SRGAP2: variants seen among roughly 807,000 people sequenced by gnomAD.
The protein encoded by SRGAP2 is SLIT-ROBO Rho GTPase-activating protein 2.
A neutral mutation model predicts 57.2 loss-of-function variants in SRGAP2; 15 were observed. That is an observed-to-expected ratio of 0.26 (90% CI 0.18 to 0.40). The LOEUF (loss-of-function observed/expected upper bound fraction) is 0.40. SRGAP2 is among the 10% of genes least tolerant of loss of function. The pLI is 1.00. For synonymous variants in SRGAP2, 249 were observed against 248.0 expected, an observed-to-expected ratio of 1.00 and a Z score of -0.04; for missense variants, 520 against 669.6, an observed-to-expected ratio of 0.78 and a Z score of 2.47.
At chr1:206,333,331 T>G in intron 3 of SRGAP2, 2 of 1,196,138 alleles carry the variant, frequency 1.7e-6, no homozygotes, top group Non-Finnish European at 2.5e-6. Context: ...ATCATTTATT[T>G]TGAGCCAGGG....
chr1:206,276,987 G>T (rs1424803525), intron 2 of SRGAP2, among the ~76,000 whole-genome samples: 1 of 149,382 alleles, frequency 6.7e-6, no homozygotes, highest in Non-Finnish European at 1.5e-5. Flanking sequence ...TTTTTGAGAC[G>T]GAGTTTTGCT....
At chr1:206,458,115 A>G (rs1440470442) in intron 21 of SRGAP2, among the ~76,000 whole-genome samples, 3 of 152,318 alleles carry the variant, frequency 2.0e-5, no homozygotes, top group Admixed American at 1.3e-4. Context: ...ATTCTGCTCC[A>G]TGCCTACAGA....
At chr1:206,346,640 C>G (rs1300802426) in intron 4 of SRGAP2, among the ~76,000 whole-genome samples, 2 of 152,036 alleles carry the variant, frequency 1.3e-5, no homozygotes, top group Non-Finnish European at 2.9e-5. Flanking sequence ...ACCCATTTCT[C>G]TGGGGACATA....
intron 21 of SRGAP2, chr1:206,455,242 C>T (rs1229136699): frequency 1.0e-5 from 6 of 592,958 alleles, no homozygotes; most frequent in East Asian, 5.8e-5. Context: ...TAGCTGCCCT[C>T]GTGCTGTGGA....
intron 2 of SRGAP2, among the ~76,000 whole-genome samples, chr1:206,227,371 C>A (rs1312716049): frequency 1.1e-4 from 16 of 152,222 alleles, no homozygotes; most frequent in African/African-American, 3.9e-4. Context: ...TTTGTGCCAT[C>A]ATCTGCTAAT....
chr1:206,394,409 A>G lies in SRGAP2; in HGVS notation c.831+736A>G, dbSNP rs568224847. 1.7e-3 allele frequency among the ~76,000 whole-genome samples: 260 copies of G among 152,286 alleles called. 1 individual carries two copies. The highest frequency in any genetic ancestry group is 5.8e-3 in the African/African-American group (239 of 41,540). ...CTTCTCTTGCACAGAAGTGAGTGGC[A>G]AGAACTTAACTAAAGAGTTACAATG... is the stretch of plus-strand genomic sequence containing the variant. On this transcript the variant is annotated intron_variant, in intron 7 of 22. Coordinates refer to ENST00000573034, the MANE Select transcript of SRGAP2 (RefSeq NM_015326.5).
At chr1:206,327,924 A>G (rs61816808) in intron 3 of SRGAP2, among the ~76,000 whole-genome samples, 2,416 of 101,508 alleles carry the variant, frequency 0.024, 73 homozygotes, top group African/African-American at 0.072. Context: ...GTCATCTAGC[A>G]TTAGGTATAT....
At chr1:206,455,120 G>GTA in intron 21 of SRGAP2, 96 bp downstream of exon 21, 1 of 769,898 alleles carries the variant, frequency 1.3e-6, no homozygotes, top group Admixed American at 1.7e-5. Context: ...TGTGCTGCAC[G>GTA]TAGGGCTCCC....
chr1:206,424,172 C>T (rs542320900), intron 13 of SRGAP2, among the ~76,000 whole-genome samples: 1 of 152,172 alleles, frequency 6.6e-6, no homozygotes, highest in Non-Finnish European at 1.5e-5. Flanking sequence ...CTTTCTCCCT[C>T]TACTTTTGGT....
chr1:206,383,198 T>A (rs1228779876), intron 4 of SRGAP2, among the ~76,000 whole-genome samples: 1 of 148,136 alleles, frequency 6.8e-6, no homozygotes, highest in Non-Finnish European at 1.5e-5. Flanking sequence ...CTAATTTTTG[T>A]ATTTTTAGTA....
intron 2 of SRGAP2, among the ~76,000 whole-genome samples, chr1:206,273,659 AC>A (rs1198828451): frequency 6.7e-6 from 1 of 149,764 alleles, no homozygotes; most frequent in Non-Finnish European, 1.5e-5. Context: ...TTTCAGACTG[AC>A]CCCAGAGCAA....
intron 4 of SRGAP2, among the ~76,000 whole-genome samples, chr1:206,375,614 TG>T (rs1655125919): frequency 6.6e-6 from 1 of 152,156 alleles, no homozygotes. Context: ...GGAACAACCA[TG>T]GAAGAACATT....
intron 2 of SRGAP2, among the ~76,000 whole-genome samples, chr1:206,280,078 T>G (rs1296935862): frequency 6.6e-6 from 1 of 151,818 alleles, no homozygotes; most frequent in African/African-American, 2.4e-5. Flanking sequence ...AATGGTTTAT[T>G]TTGGATGAGA....
chr1:206,386,653 G>C (rs1168708698), intron 5 of SRGAP2, among the ~76,000 whole-genome samples: 13 of 129,212 alleles, frequency 1.0e-4, no homozygotes, highest in Non-Finnish European at 1.6e-4. Flanking sequence ...AAAAAAATTA[G>C]CTGGGCATGG....
chr1:206,281,450 ACCTGCCC>A (rs1670730612), intron 2 of SRGAP2, among the ~76,000 whole-genome samples: 1 of 112,300 alleles, frequency 8.9e-6, no homozygotes, highest in Non-Finnish European at 1.7e-5. Context: ...CATAATACAC[ACCTGCCC>A]AGGGAACCTG....
rs559135118 is a variant in SRGAP2 at position 206,355,236 on chromosome 1, C to A, written c.423+12228C>A. Reference sequence around the variant, plus strand: ...TGAAAAGGCCAAGCCAGATGTCCTGCAAAATCTCCCATCTTCTAGATTTGT... The same window carrying A: ...TGAAAAGGCCAAGCCAGATGTCCTGAAAAATCTCCCATCTTCTAGATTTGT... On this transcript the variant is annotated intron_variant, in intron 4 of 22. Coordinates refer to ENST00000573034, the MANE Select transcript of SRGAP2 (RefSeq NM_015326.5). Among the ~76,000 whole-genome samples the A allele has an allele frequency of 7.2e-5, 11 of 152,318 alleles. No individual in the cohort carries two copies. In the East Asian group the frequency reaches 2.1e-3, roughly 29 times the overall value.
chr1:206,418,624 A>T (rs1278839265), intron 11 of SRGAP2, among the ~76,000 whole-genome samples: 1 of 152,166 alleles, frequency 6.6e-6, no homozygotes, highest in African/African-American at 2.4e-5. Flanking sequence ...ATTTTTTTAA[A>T]ACATGAGAAT....
chr1:206,258,935 G>T (rs537056611), intron 2 of SRGAP2, among the ~76,000 whole-genome samples: 27 of 144,706 alleles, frequency 1.9e-4, no homozygotes, highest in African/African-American at 7.2e-4. Context: ...GAAAGACAGA[G>T]CTCGGTGGCA....
Position 206,321,446 on chromosome 1 carries a change from T to G in SRGAP2, c.260+17973T>G, listed in dbSNP as rs1410518318. Among the ~76,000 whole-genome samples, 4 of 83,266 alleles carry G rather than the reference T, an allele frequency of 4.8e-5. No homozygotes were observed. In the Admixed American group the frequency reaches 5.6e-4, roughly 12 times the overall value. The allele number at this position is 83,266 out of a possible 152,430, so 54.6% of individuals were successfully genotyped here. A position where few individuals can be genotyped will look rare whatever the true frequency, so the allele number is the denominator to read the frequency against. ...ATGTATATATTGTGGAGAGATACTT[T>G]GAGACCATGTAAATATCAGCTTACC... On this transcript the variant is annotated intron_variant, in intron 3 of 22. Coordinates refer to ENST00000573034, the MANE Select transcript of SRGAP2 (RefSeq NM_015326.5).
Sources: allele counts gnomAD v4.1 joint callset (sites outside exome capture counted in the v4.1 genomes callset), GRCh38; gene constraint gnomAD v4.1.1; transcripts MANE v1.5; gene names NCBI Gene and HGNC (gene_info 2026-07-23, HGNC 2026-07-21).